The following PTPRR variants were observed in gnomAD, a reference collection of about 807,000 sequenced individuals.
PTPRR encodes the protein receptor-type tyrosine-protein phosphatase R.
In PTPRR, 38 loss-of-function variants were observed where a neutral mutation model predicts 77.2. The ratio of observed to expected loss-of-function variants is 0.49; its 90% CI spans 0.38 to 0.65. PTPRR has a LOEUF of 0.65. PTPRR is among the 30% of genes least tolerant of loss of function. The pLI, the probability that PTPRR is intolerant of heterozygous loss-of-function variation, is 0.00. For missense variants in PTPRR, 744 were observed against 799.2 expected (o/e 0.93, Z 0.83); for synonymous variants, 299 against 283.1 (o/e 1.06, Z -0.57).
At chr12:70,642,112 A>C (rs1027460811) in intron 13 of PTPRR, among the ~76,000 whole-genome samples, 9 of 151,932 alleles carry the variant, frequency 5.9e-5, no homozygotes, top group African/African-American at 2.2e-4. Flanking sequence ...CACGTTAGAG[A>C]CCAATAGATC....
chr12:70,663,560 T>C (rs567422191), intron 10 of PTPRR, among the ~76,000 whole-genome samples: 1 of 152,338 alleles, frequency 6.6e-6, no homozygotes, highest in East Asian at 1.9e-4. Context: ...ATTATTTTGG[T>C]ATTATTATAG....
chr12:70,839,128 G>A (rs1253706694), intron 2 of PTPRR, among the ~76,000 whole-genome samples: 1 of 152,076 alleles, frequency 6.6e-6, no homozygotes, highest in Admixed American at 6.6e-5. Context: ...TGAACCATGT[G>A]GAAAAGGGTT....
At chr12:70,717,917 A>G (rs1375201470) in intron 6 of PTPRR, among the ~76,000 whole-genome samples, 1 of 152,230 alleles carries the variant, frequency 6.6e-6, no homozygotes, top group East Asian at 1.9e-4. Flanking sequence ...TTTATTACAT[A>G]TTAAACAATT....
chr12:70,862,243 G>A (rs1183630792), intron 2 of PTPRR, among the ~76,000 whole-genome samples: 1 of 152,066 alleles, frequency 6.6e-6, no homozygotes, highest in Non-Finnish European at 1.5e-5. Flanking sequence ...TTACCTATGG[G>A]TAACCTACTT....
intron 6 of PTPRR, among the ~76,000 whole-genome samples, chr12:70,723,864 T>G (rs1056727788): frequency 2.0e-5 from 3 of 152,172 alleles, no homozygotes; most frequent in Admixed American, 6.6e-5. Context: ...ATTCATTTAT[T>G]TACAGAAACT....
chr12:70,792,652 A>C (rs1488916164), intron 2 of PTPRR, among the ~76,000 whole-genome samples: 1 of 152,196 alleles, frequency 6.6e-6, no homozygotes. Flanking sequence ...GATAGGTATT[A>C]AGAAAAACAC....
intron 2 of PTPRR, among the ~76,000 whole-genome samples, chr12:70,884,154 A>G (rs1592813578): frequency 6.6e-6 from 1 of 152,200 alleles, no homozygotes; most frequent in East Asian, 1.9e-4. Context: ...TTCCTAAAAA[A>G]AGAGAAAGAA....
chr12:70,655,105 G>A (rs1299017693), intron 13 of PTPRR, among the ~76,000 whole-genome samples: 2 of 152,210 alleles, frequency 1.3e-5, no homozygotes, highest in African/African-American at 4.8e-5. Context: ...CAAGGAAGAA[G>A]AGAAGTTTCT....
At chr12:70,826,631 C>T (rs1478048347) in intron 2 of PTPRR, among the ~76,000 whole-genome samples, 1 of 152,176 alleles carries the variant, frequency 6.6e-6, no homozygotes, top group Non-Finnish European at 1.5e-5. Context: ...CACGTGTAAA[C>T]TTGTCAATCC....
chr12:70,754,268 T>A lies in PTPRR; in HGVS notation c.661A>T (p.Lys221Ter). The change falls in exon 5 of 14, where the codon AAA becomes TAA. Residue 221 changes from lysine (K) to a stop codon, truncating the protein, a stop_gained. Transcript: ENST00000283228. LOFTEE classifies it high-confidence loss of function. ...NVLQGQHEADKIWSKEGFYAV... is the reference protein window; with the variant it reads ...NVLQGQHEAD ...TAAAATCCTTCTTTGCTCCAGATTT[T>A]GTCCGCTTCATGCTGCCCTTGTAAA... is the stretch of plus-strand genomic sequence containing the variant. The A allele has an allele frequency of 1.2e-6, 2 of 1,613,858 alleles. No individual in the cohort carries two copies. Among genetic ancestry groups the A allele is most frequent in the South Asian group, 2.2e-5 (2 of 91,078 alleles).
At chr12:70,653,387 A>C in intron 13 of PTPRR, among the ~76,000 whole-genome samples, 1 of 152,218 alleles carries the variant, frequency 6.6e-6, no homozygotes, top group East Asian at 1.9e-4. Context: ...GAGAAGGGAT[A>C]ATTGGAACTG....
intron 6 of PTPRR, among the ~76,000 whole-genome samples, chr12:70,718,340 A>C (rs994660985): frequency 5.9e-5 from 9 of 151,824 alleles, no homozygotes; most frequent in Admixed American, 5.9e-4. Context: ...ATCTCAGCTC[A>C]CTGCAATCGC....
At chr12:70,905,834 A>G (rs184402367) in intron 1 of PTPRR, among the ~76,000 whole-genome samples, 1 of 152,148 alleles carries the variant, frequency 6.6e-6, no homozygotes, top group African/African-American at 2.4e-5. Context: ...GACTTGAAAA[A>G]GTGAACAATC....
Position 70,916,356 on chromosome 12 carries a change from G to A in PTPRR, c.58+3977C>T, listed in dbSNP as rs190032543. On this transcript the variant is annotated intron_variant, in intron 1 of 13. Transcript: ENST00000283228. The stretch of plus-strand genomic sequence containing the variant: ...AGAGGTAAAAAAAGAAGAAAGTAGT[G>A]AGAGATAATATCATAGAAATAATGT... 9.2e-5 allele frequency among the ~76,000 whole-genome samples: 14 copies of A among 152,202 alleles called. No individual in the cohort carries two copies. The East Asian group carries it at 2.3e-3, about 25-fold the overall frequency.
intron 8 of PTPRR, among the ~76,000 whole-genome samples, chr12:70,697,125 A>G (rs1452337406): frequency 2.0e-5 from 3 of 152,146 alleles, no homozygotes. Context: ...TCATATAGCA[A>G]CTCAGTTTTA....
chr12:70,765,157 C>A (rs1050545609), intron 2 of PTPRR, among the ~76,000 whole-genome samples: 1 of 152,180 alleles, frequency 6.6e-6, no homozygotes, highest in South Asian at 2.1e-4. Context: ...AGACAGTGGG[C>A]GCAGGACAGT....
chr12:70,847,040 C>A (rs1391345312), intron 2 of PTPRR, among the ~76,000 whole-genome samples: 1 of 152,122 alleles, frequency 6.6e-6, no homozygotes, highest in Non-Finnish European at 1.5e-5. Context: ...TAGTGCCTGA[C>A]ATCTTGTGAA....
At chr12:70,814,902 C>G (rs568862561) in intron 2 of PTPRR, among the ~76,000 whole-genome samples, 1 of 152,116 alleles carries the variant, frequency 6.6e-6, no homozygotes, top group South Asian at 2.1e-4. Context: ...TGGCACCCAA[C>G]AAGGTACAAT....
intron 13 of PTPRR, among the ~76,000 whole-genome samples, chr12:70,650,492 T>G (rs977792108): frequency 6.6e-6 from 1 of 151,870 alleles, no homozygotes; most frequent in Non-Finnish European, 1.5e-5. Context: ...CCGAACTTAG[T>G]CAAGAACCTA....
Sources: gnomAD v4.1 joint callset for allele counts (sites outside exome capture counted in the v4.1 genomes callset) on GRCh38, gnomAD v4.1.1 for gene constraint, MANE v1.5 for transcripts, NCBI Gene and HGNC (gene_info 2026-07-23, HGNC 2026-07-21) for gene names.